The following RPGRIP1 variants were observed in gnomAD, a reference collection of about 807,000 sequenced individuals.
The protein encoded by RPGRIP1 is RPGR interacting protein 1, also known as X-linked retinitis pigmentosa GTPase regulator-interacting protein 1.
Under a neutral mutation model 157.9 loss-of-function variants are expected in RPGRIP1, and 128 were observed. That is an observed-to-expected ratio of 0.81 (90% CI 0.70 to 0.94). The LOEUF (loss-of-function observed/expected upper bound fraction) is 0.94. RPGRIP1 is among the 40% of genes least tolerant of loss of function. The pLI is 0.00. For synonymous variants in RPGRIP1, 554 were observed against 571.6 expected (o/e 0.97, Z 0.44); for missense variants, 1,486 against 1,545.8 (o/e 0.96, Z 0.65).
chr14:21,327,744 GAAGGATACC>G lies in RPGRIP1; in HGVS notation c.2838_2846del (p.Thr947_Asp949del). On this transcript the variant is annotated inframe_deletion, in exon 18 of 25. Transcript: ENST00000400017. The stretch of plus-strand genomic sequence containing the variant: ...TGAAACCAGAAGCTCAGACTAAGGG[GAAGGATACC>G]AAGGACAGTTCAAAGATCTCATCTG... The G allele has an allele frequency of 6.2e-7, 1 of 1,613,758 alleles. No individual in the cohort carries two copies. The highest frequency in any genetic ancestry group is 2.2e-5 in the East Asian group (1 of 44,886).
chr14:21,284,079 A>G (rs1266361729), intron 1 of RPGRIP1, among the ~76,000 whole-genome samples: 1 of 152,224 alleles, frequency 6.6e-6, no homozygotes, highest in Non-Finnish European at 1.5e-5. Context: ...ATTTATTGTG[A>G]TTTTTAAAAA....
intron 11 of RPGRIP1, 47 bp from the exon 12 acceptor site, chr14:21,319,970 T>C (rs1882216792): frequency 1.3e-6 from 2 of 1,538,742 alleles, no homozygotes; most frequent in Non-Finnish European, 1.8e-6. Flanking sequence ...CTGACCATGG[T>C]GATAAATAAC....
intron 21 of RPGRIP1, among the ~76,000 whole-genome samples, chr14:21,341,308 G>C (rs1884976178): frequency 6.6e-6 from 1 of 152,146 alleles, no homozygotes; most frequent in Non-Finnish European, 1.5e-5. Context: ...TGGTATTACA[G>C]GTGTGAGCCT....
Position 21,328,490 on chromosome 14 carries a change from C to T in RPGRIP1, c.2962C>T (p.His988Tyr). ...GTATCGATCTAAGAGAAAACCTCCT[C>T]ATGGGGGAGAAAGAAAGGAGAAGGA... is the stretch of plus-strand genomic sequence containing the variant. ...GQYRSKRKPP[H>Y]GGERKEKEHQ... Residue 988 changes from histidine to tyrosine, a missense_variant, in exon 19 of 25, where the codon CAT becomes TAT. Coordinates refer to ENST00000400017, the MANE Select transcript of RPGRIP1 (RefSeq NM_020366.4). 1.2e-6 allele frequency: 2 copies of T among 1,613,780 alleles called. No individual in the cohort carries two copies. The highest frequency in any genetic ancestry group is 1.3e-5 in the African/African-American group (1 of 75,006).
intron 1 of RPGRIP1, among the ~76,000 whole-genome samples, chr14:21,283,495 G>T (rs537853396): frequency 1.3e-5 from 2 of 152,052 alleles, no homozygotes; most frequent in Non-Finnish European, 2.9e-5. Context: ...TAGAAATGGG[G>T]TTTCGCCATG....
At chr14:21,327,574 T>C in intron 17 of RPGRIP1, 49 bp from the exon 18 acceptor site, 1 of 1,513,462 alleles carries the variant, frequency 6.6e-7, no homozygotes, top group Non-Finnish European at 9.2e-7. Flanking sequence ...AAATGCTCAC[T>C]TGCTTATTTC....
At chr14:21,350,391 A>AAAAAGC (rs1555307775) in intron 24 of RPGRIP1, among the ~76,000 whole-genome samples, 1 of 142,790 alleles carries the variant, frequency 7.0e-6, no homozygotes, top group African/African-American at 2.6e-5. Context: ...AAAAAAAAAA[A>AAAAAGC]AAAAAGAAAA....
At chr14:21,285,216 A>G (rs1000194407) in intron 1 of RPGRIP1, among the ~76,000 whole-genome samples, 2 of 151,924 alleles carry the variant, frequency 1.3e-5, no homozygotes, top group African/African-American at 2.4e-5. Flanking sequence ...GAGAAGGGGA[A>G]GTGCTCAGTT....
At chr14:21,312,361 C>A in intron 9 of RPGRIP1, 72 bp from the exon 10 acceptor site, 1 of 1,061,128 alleles carries the variant, frequency 9.4e-7, no homozygotes, top group Non-Finnish European at 1.4e-6. Context: ...CCCTCCCTGC[C>A]ATGGACAGGG....
At chr14:21,309,424 A>G (rs1172439775) in intron 7 of RPGRIP1, among the ~76,000 whole-genome samples, 1 of 152,200 alleles carries the variant, frequency 6.6e-6, no homozygotes, top group Non-Finnish European at 1.5e-5. Flanking sequence ...AGGCAGGAGG[A>G]TTGCTTGAGT....
At chr14:21,313,566 G>C (rs564254051) in intron 10 of RPGRIP1, among the ~76,000 whole-genome samples, 2 of 152,154 alleles carry the variant, frequency 1.3e-5, no homozygotes, top group African/African-American at 2.4e-5. Context: ...GAGGCGGCCA[G>C]ATCACGAGGT....
intron 8 of RPGRIP1, 77 bp from the exon 9 acceptor site, chr14:21,311,747 C>A: frequency 1.7e-6 from 2 of 1,171,546 alleles, no homozygotes; most frequent in Non-Finnish European, 2.4e-6. Flanking sequence ...TTAGAGAATG[C>A]TAGGGTTGCT....
chr14:21,334,915 G>A (rs1884172870), intron 21 of RPGRIP1, among the ~76,000 whole-genome samples: 1 of 151,000 alleles, frequency 6.6e-6, no homozygotes, highest in South Asian at 2.1e-4. Context: ...GCATGGTGGA[G>A]CGTCCTTGTA....
rs748192524 is a variant in RPGRIP1 at position 21,330,275 on chromosome 14, C to T, written c.3126C>T (p.Phe1042=). Residue 1042 remains phenylalanine, a synonymous_variant, in exon 20 of 25, where the codon TTC becomes TTT. Coordinates refer to ENST00000400017, the MANE Select transcript of RPGRIP1 (RefSeq NM_020366.4). ...AGGTGAATTACACTGAGTGGAAGTTCTCAGAGACTAACAGCTTCATAGGTG... is the reference window on the plus strand; with the variant it reads ...AGGTGAATTACACTGAGTGGAAGTTTTCAGAGACTAACAGCTTCATAGGTG... ...PEQVNYTEWK[F]SETNSFIGDG... The T allele has an allele frequency of 6.4e-7, 1 of 1,573,508 alleles. No homozygotes were observed. The highest frequency in any genetic ancestry group is 8.6e-7 in the Non-Finnish European group (1 of 1,163,672).
chr14:21,342,788 C>T (rs1885151642), intron 21 of RPGRIP1, among the ~76,000 whole-genome samples: 1 of 151,970 alleles, frequency 6.6e-6, no homozygotes, highest in South Asian at 2.1e-4. Flanking sequence ...GAGAAATGAT[C>T]CACTGGACTG....
At chr14:21,321,573 C>A in intron 13 of RPGRIP1, 171 bp downstream of exon 13, 1 of 1,329,952 alleles carries the variant, frequency 7.5e-7, no homozygotes, top group Non-Finnish European at 9.9e-7. Context: ...TCACACATGC[C>A]CACGGCACCT....
chr14:21,300,739 A>C (rs1594172825), intron 3 of RPGRIP1, among the ~76,000 whole-genome samples: 1 of 120,896 alleles, frequency 8.3e-6, no homozygotes, highest in Non-Finnish European at 1.6e-5. Context: ...TTTTACTAAG[A>C]TAAGGGTGTA....
rs777112076 is a variant in RPGRIP1, at chr14:21,301,012, C to A, written c.265C>A (p.Arg89=). Residue 89 remains arginine (R), a synonymous_variant, in exon 4 of 25, where the codon CGG becomes AGG. Coordinates refer to ENST00000400017, the MANE Select transcript of RPGRIP1 (RefSeq NM_020366.4). ...GTTGACCGCTGCTGGCCGGGACCTGCGGGTCGCGGAGGAGGCGGCGCCGCT... is the reference window on the plus strand; with the variant it reads ...GTTGACCGCTGCTGGCCGGGACCTGAGGGTCGCGGAGGAGGCGGCGCCGCT... ...LRLTAAGRDL[R]VAEEAAPLSE... The A allele has an allele frequency of 1.2e-6, 2 of 1,612,664 alleles. No individual in the cohort carries two copies. Among genetic ancestry groups the A allele is most frequent in the Non-Finnish European group, 8.5e-7 (1 of 1,179,390 alleles).
intron 23 of RPGRIP1, among the ~76,000 whole-genome samples, chr14:21,346,795 C>T (rs1037004194): frequency 2.1e-4 from 32 of 152,328 alleles, no homozygotes; most frequent in African/African-American, 7.5e-4. Context: ...CCCTGCCTCC[C>T]AAAGTGCTGG....
Sources: gnomAD v4.1 joint callset for allele counts (sites outside exome capture counted in the v4.1 genomes callset) on GRCh38, gnomAD v4.1.1 for gene constraint, MANE v1.5 for transcripts, NCBI Gene and HGNC (gene_info 2026-07-23, HGNC 2026-07-21) for gene names.